DCC: variants seen among roughly 807,000 people sequenced by gnomAD.
The protein encoded by DCC is DCC netrin 1 receptor.
Under a neutral mutation model 172.5 loss-of-function variants are expected in DCC, and 58 were observed. That is an observed-to-expected ratio of 0.34 (90% confidence interval 0.27 to 0.42). The LOEUF (loss-of-function observed/expected upper bound fraction) is 0.42. Ranked by LOEUF, DCC falls within the 10% of genes least tolerant of loss-of-function variation. The pLI is 1.00. For synonymous variants in DCC, 709 were observed against 644.5 expected (o/e 1.10, Z -1.52); for missense variants, 1,740 against 1,791.0 (o/e 0.97, Z 0.51).
At chr18:53,155,032 A>G (rs987124661) in intron 7 of DCC, among the ~76,000 whole-genome samples, 2 of 152,192 alleles carry the variant, frequency 1.3e-5, no homozygotes, top group Non-Finnish European at 2.9e-5. Flanking sequence ...CCAGAGAGCA[A>G]GGCGAAATTT....
intron 2 of DCC, among the ~76,000 whole-genome samples, chr18:52,759,443 T>C (rs1429626370): frequency 1.3e-5 from 2 of 152,202 alleles, no homozygotes; most frequent in Admixed American, 1.3e-4. Flanking sequence ...TTTTCTTTGT[T>C]ATGAATTCTA....
intron 1 of DCC, among the ~76,000 whole-genome samples, chr18:52,697,332 C>T (rs1219051155): frequency 6.6e-6 from 1 of 152,130 alleles, no homozygotes. Context: ...AAGACTCTTC[C>T]AGTACTAATG....
At chr18:53,012,345 G>A (rs2085404585) in intron 5 of DCC, among the ~76,000 whole-genome samples, 1 of 151,866 alleles carries the variant, frequency 6.6e-6, no homozygotes, top group Admixed American at 6.6e-5. Flanking sequence ...ATACTGAACA[G>A]TAATTAATGC....
chr18:53,201,991 A>T (rs1475424431), intron 9 of DCC, among the ~76,000 whole-genome samples: 3 of 152,164 alleles, frequency 2.0e-5, no homozygotes, highest in African/African-American at 4.8e-5. Context: ...AAACATATGT[A>T]CTGTCTGTGT....
At chr18:53,220,169 TC>T (rs1251085181) in intron 12 of DCC, among the ~76,000 whole-genome samples, 1 of 152,160 alleles carries the variant, frequency 6.6e-6, no homozygotes, top group African/African-American at 2.4e-5. Context: ...AAATTGCAGA[TC>T]CTCTGTGTCT....
At chr18:53,334,747 G>A (rs935192011) in intron 14 of DCC, among the ~76,000 whole-genome samples, 1 of 152,220 alleles carries the variant, frequency 6.6e-6, no homozygotes, top group Non-Finnish European at 1.5e-5. Flanking sequence ...ATCTTGTAGC[G>A]TGTCTCAAAA....
intron 3 of DCC, among the ~76,000 whole-genome samples, chr18:52,912,977 T>TA (rs931855356): frequency 1.3e-5 from 2 of 152,074 alleles, no homozygotes; most frequent in Non-Finnish European, 2.9e-5. Flanking sequence ...TTTAGATTAA[T>TA]AAAAAATAGT....
intron 5 of DCC, among the ~76,000 whole-genome samples, chr18:53,034,223 A>G (rs1331000606): frequency 1.3e-5 from 2 of 152,166 alleles, no homozygotes; most frequent in East Asian, 1.9e-4. Context: ...TTAGATATCT[A>G]ATAGATATCT....
At chr18:52,966,705 T>G (rs560353971) in intron 5 of DCC, among the ~76,000 whole-genome samples, 1 of 152,214 alleles carries the variant, frequency 6.6e-6, no homozygotes, top group African/African-American at 2.4e-5. Flanking sequence ...TCCTACTGTT[T>G]GTGATCTCAC....
intron 1 of DCC, among the ~76,000 whole-genome samples, chr18:52,474,332 G>T (rs1989035715): frequency 6.6e-6 from 1 of 151,910 alleles, no homozygotes; most frequent in African/African-American, 2.4e-5. Flanking sequence ...ATTGGTGGCG[G>T]AGATTTTAGA....
At chr18:53,507,028 T>A (rs1319656962) in intron 27 of DCC, among the ~76,000 whole-genome samples, 3 of 152,190 alleles carry the variant, frequency 2.0e-5, no homozygotes, top group African/African-American at 7.2e-5. Context: ...GAAGGAAACA[T>A]GAAATTCTAC....
intron 2 of DCC, among the ~76,000 whole-genome samples, chr18:52,886,726 C>G (rs112890488): frequency 0.011 from 1,685 of 152,060 alleles, 23 homozygotes; most frequent in African/African-American, 0.036. Flanking sequence ...GTCTCTTTAG[C>G]GATATGAAGT....
chr18:52,676,392 T>G (rs1432755767), intron 1 of DCC, among the ~76,000 whole-genome samples: 1 of 152,208 alleles, frequency 6.6e-6, no homozygotes, highest in African/African-American at 2.4e-5. Context: ...CTATTGACAG[T>G]AATAGCAAAT....
At chr18:53,035,120 A>G (rs1262315485) in intron 5 of DCC, among the ~76,000 whole-genome samples, 1 of 151,876 alleles carries the variant, frequency 6.6e-6, no homozygotes, top group Non-Finnish European at 1.5e-5. Flanking sequence ...GTAATGATCA[A>G]GTCAGGGTAA....
chr18:52,651,162 A>G (rs2035123821), intron 1 of DCC, among the ~76,000 whole-genome samples: 1 of 152,046 alleles, frequency 6.6e-6, no homozygotes, highest in Non-Finnish European at 1.5e-5. Flanking sequence ...AAAAATTTGT[A>G]TTTATATATT....
intron 12 of DCC, among the ~76,000 whole-genome samples, chr18:53,263,183 C>A (rs1474812871): frequency 6.6e-6 from 1 of 152,142 alleles, no homozygotes; most frequent in African/African-American, 2.4e-5. Flanking sequence ...ACAGAGTCTT[C>A]CCCTGTCATC....
chr18:52,969,582 C>CCCCTCT (rs1555689589), intron 5 of DCC, among the ~76,000 whole-genome samples: 10 of 80,054 alleles, frequency 1.2e-4, no homozygotes, highest in African/African-American at 2.2e-4. Flanking sequence ...GCCCCGCCCC[C>CCCCTCT]CACTCTCTCT....
chr18:52,833,550 A>T (rs1426253400), intron 2 of DCC, among the ~76,000 whole-genome samples: 1 of 152,036 alleles, frequency 6.6e-6, no homozygotes, highest in East Asian at 1.9e-4. Context: ...AGAGTCTCAG[A>T]TTTAGTAAAA....
At chr18:52,565,087 CAGT>C (rs1374274334) in intron 1 of DCC, among the ~76,000 whole-genome samples, 1 of 152,098 alleles carries the variant, frequency 6.6e-6, no homozygotes, top group Non-Finnish European at 1.5e-5. Flanking sequence ...GGAGGAACTG[CAGT>C]GTAAGACTTC....
Sources: allele counts gnomAD v4.1 joint callset (sites outside exome capture counted in the v4.1 genomes callset), GRCh38; gene constraint gnomAD v4.1.1; transcripts MANE v1.5; gene names NCBI Gene and HGNC (gene_info 2026-07-23, HGNC 2026-07-21).